Variants in TRERF1 observed in about 807,000 individuals in gnomAD.
TRERF1 encodes the protein transcriptional-regulating factor 1.
TRERF1 carries 27 observed loss-of-function variants against 122.9 expected under a neutral mutation model. The ratio of observed to expected loss-of-function variants is 0.22; its 90% confidence interval spans 0.16 to 0.30. The LOEUF (loss-of-function observed/expected upper bound fraction) is 0.30. Ranked by LOEUF, TRERF1 falls within the 10% of genes least tolerant of loss-of-function variation. The probability of loss-of-function intolerance (pLI) is 1.00; values close to 1 mark genes in which losing one functional copy is unlikely to be tolerated. For synonymous variants in TRERF1, 636 were observed against 641.7 expected, an observed-to-expected ratio of 0.99 and a Z score of 0.13; for missense variants, 1,248 against 1,560.3, an observed-to-expected ratio of 0.80 and a Z score of 3.37.
chr6:42,406,739 C>T (rs1334510732), intron 2 of TRERF1, among the ~76,000 whole-genome samples: 4 of 152,066 alleles, frequency 2.6e-5, no homozygotes, highest in African/African-American at 9.7e-5. Context: ...GGCCTTGCTG[C>T]CTTCTCATGA....
At chr6:42,346,766 C>T (rs1768372106) in intron 3 of TRERF1, among the ~76,000 whole-genome samples, 1 of 152,122 alleles carries the variant, frequency 6.6e-6, no homozygotes, top group South Asian at 2.1e-4. Flanking sequence ...TTGGTCAACC[C>T]AGCCATACCA....
At chr6:42,226,894 A>G (rs766322740) in exon 18 of TRERF1, 1 of 152,282 alleles carries the variant, frequency 6.6e-6, no homozygotes, top group Non-Finnish European at 1.5e-5. Flanking sequence ...GGCCCAGGAA[A>G]TCACGCTGCA....
chr6:42,394,582 C>A (rs1377611139), intron 2 of TRERF1, among the ~76,000 whole-genome samples: 1 of 152,134 alleles, frequency 6.6e-6, no homozygotes, highest in Non-Finnish European at 1.5e-5. Flanking sequence ...GGAATAAAAA[C>A]CAAGTCTAAC....
intron 2 of TRERF1, among the ~76,000 whole-genome samples, chr6:42,412,020 G>C (rs1781174146): frequency 1.2e-5 from 1 of 82,990 alleles, no homozygotes; most frequent in Non-Finnish European, 2.4e-5. Flanking sequence ...TTTTTTTTGA[G>C]ACGGAGTTTT....
intron 2 of TRERF1, among the ~76,000 whole-genome samples, chr6:42,394,267 G>A (rs958665745): frequency 2.0e-5 from 3 of 151,816 alleles, no homozygotes; most frequent in African/African-American, 2.4e-5. Context: ...ACTAACAACA[G>A]CACATCCCTC....
rs141324952 is a variant in TRERF1 at position 42,413,355 on chromosome 6, A to G, written c.-454+37822T>C. On this transcript the variant is annotated intron_variant, in intron 2 of 17. Transcript: ENST00000372922. ...ATTTTCTCTACTTTCTCACTCCCCA[A>G]AGGTAGACCCCATCTGGAGCTGGTT... 3.9e-3 allele frequency among the ~76,000 whole-genome samples: 592 copies of G among 152,016 alleles called. 6 individuals carry two copies. The highest frequency in any genetic ancestry group is 6.0e-3 in the Non-Finnish European group (411 of 67,960).
intron 2 of TRERF1, among the ~76,000 whole-genome samples, chr6:42,427,689 A>T (rs1424649693): frequency 2.0e-5 from 3 of 150,450 alleles, no homozygotes; most frequent in African/African-American, 7.4e-5. Context: ...AGCTGGGACT[A>T]CAGGTGTGTG....
chr6:42,273,041 G>C (rs1780531013), intron 4 of TRERF1, among the ~76,000 whole-genome samples: 1 of 151,950 alleles, frequency 6.6e-6, no homozygotes, highest in Non-Finnish European at 1.5e-5. Context: ...TCACCATTTG[G>C]AGAGCTCTTC....
intron 13 of TRERF1, among the ~76,000 whole-genome samples, chr6:42,248,722 T>C (rs992678192): frequency 6.6e-6 from 1 of 152,162 alleles, no homozygotes; most frequent in Non-Finnish European, 1.5e-5. Context: ...GGAGTCATCT[T>C]CCATGGGTTC....
chr6:42,313,433 C>T (rs1762000383), intron 3 of TRERF1, among the ~76,000 whole-genome samples: 1 of 152,150 alleles, frequency 6.6e-6, no homozygotes, highest in African/African-American at 2.4e-5. Flanking sequence ...CTCTCTCTCT[C>T]TGTTTCTCTC....
intron 7 of TRERF1, among the ~76,000 whole-genome samples, chr6:42,264,198 A>G (rs1582667708): frequency 6.6e-6 from 1 of 152,224 alleles, no homozygotes; most frequent in East Asian, 1.9e-4. Context: ...AAATTTGTGG[A>G]TAGTTTACTA....
At position 42,269,863 on chromosome 6, in the gene TRERF1, G is replaced by T; in HGVS notation, c.-258-15C>A. Reference sequence around the variant, plus strand: ...GTCGCTCACACCTGCAAGGCAAGATGCAAAAGACAGGAAAGGATTTATTTG... The same window carrying T: ...GTCGCTCACACCTGCAAGGCAAGATTCAAAAGACAGGAAAGGATTTATTTG... On this transcript the variant is annotated splice_polypyrimidine_tract_variant and intron_variant, in intron 4 of 17. Transcript: ENST00000372922. The surrounding 1 kb of genome is among the most constrained non-coding windows in gnomAD (Gnocchi z 4.9). 1.6e-6 allele frequency: 1 copy of T among 614,664 alleles called. No individual in the cohort carries two copies. 38.1% of individuals were successfully genotyped at this position (614,664 alleles called of 1,614,324 possible).
intron 13 of TRERF1, among the ~76,000 whole-genome samples, chr6:42,249,618 T>C (rs1233889298): frequency 6.6e-6 from 1 of 152,138 alleles, no homozygotes; most frequent in African/African-American, 2.4e-5. Context: ...GGAGTGTGCA[T>C]TCTGTACAAC....
chr6:42,382,702 T>C (rs941498141), intron 2 of TRERF1, among the ~76,000 whole-genome samples: 2 of 151,262 alleles, frequency 1.3e-5, no homozygotes, highest in Non-Finnish European at 2.9e-5. Flanking sequence ...TGCAGCTTTT[T>C]TTTTCATATT....
intron 2 of TRERF1, among the ~76,000 whole-genome samples, chr6:42,371,310 C>T (rs1225967457): frequency 2.6e-5 from 4 of 152,200 alleles, no homozygotes; most frequent in Non-Finnish European, 4.4e-5. Flanking sequence ...CAAAGAAGGG[C>T]CTAAACAAAG....
chr6:42,448,198 T>C (rs182423729), intron 2 of TRERF1, among the ~76,000 whole-genome samples: 1 of 152,366 alleles, frequency 6.6e-6, no homozygotes, highest in East Asian at 1.9e-4. Flanking sequence ...CTGGGCTTTC[T>C]GGTCTCCAGT....
chr6:42,390,059 T>A (rs1428398655), intron 2 of TRERF1, among the ~76,000 whole-genome samples: 1 of 152,134 alleles, frequency 6.6e-6, no homozygotes, highest in Non-Finnish European at 1.5e-5. Context: ...TTGAATCGCC[T>A]CTCTCCTTCT....
At chr6:42,292,173 G>A (rs188197569) in intron 4 of TRERF1, among the ~76,000 whole-genome samples, 1 of 152,310 alleles carries the variant, frequency 6.6e-6, no homozygotes, top group Non-Finnish European at 1.5e-5. Context: ...TGGGGTTTCT[G>A]TTGTTTTGTT....
exon 18 of TRERF1, chr6:42,226,796 G>A (rs977135693): frequency 6.6e-6 from 1 of 152,246 alleles, no homozygotes; most frequent in African/African-American, 2.4e-5. Flanking sequence ...AGCTATGAAT[G>A]TTGTCAGCAA....
Sources: allele counts gnomAD v4.1 joint callset (sites outside exome capture counted in the v4.1 genomes callset), GRCh38; gene constraint gnomAD v4.1.1; non-coding constraint Gnocchi (gnomAD v3.1); transcripts MANE v1.5; gene names NCBI Gene and HGNC (gene_info 2026-07-23, HGNC 2026-07-21).